The following TMEM52B variants were observed in gnomAD, a reference collection of about 807,000 sequenced individuals.
The protein encoded by TMEM52B is chromosome 12 open reading frame 59.
Under a neutral mutation model 16.1 loss-of-function variants are expected in TMEM52B, and 11 were observed. The ratio of observed to expected loss-of-function variants is 0.68; its 90% CI spans 0.43 to 1.13. TMEM52B has a LOEUF of 1.13. Ranked by LOEUF, TMEM52B falls within the 50% of genes most tolerant of loss-of-function variation. TMEM52B has a pLI of 0.00. For missense variants in TMEM52B, 243 were observed against 230.4 expected (o/e 1.05, Z -0.35); for synonymous variants, 101 against 93.8 (o/e 1.08, Z -0.45).
At chr12:10,186,696 G>C (rs1948884591) in intron 4 of TMEM52B, 107 bp downstream of exon 4, 2 of 1,182,324 alleles carry the variant, frequency 1.7e-6, no homozygotes, top group Non-Finnish European at 2.2e-6. Context: ...AAGATTCCAG[G>C]ACTCACAATA....
chr12:10,182,058 T>C, intron 1 of TMEM52B: 2 of 868,050 alleles, frequency 2.3e-6, no homozygotes, highest in Non-Finnish European at 2.8e-6. Flanking sequence ...AAAAAACTTG[T>C]TAGCAGTCTG....
At chr12:10,181,356 T>A (rs139071147) in intron 1 of TMEM52B, among the ~76,000 whole-genome samples, 3 of 151,540 alleles carry the variant, frequency 2.0e-5, no homozygotes, top group East Asian at 3.9e-4. Context: ...TTTTCCAAGA[T>A]GGAGTCTTGC....
At chr12:10,177,040 A>G (rs986680772), upstream of TMEM52B, among the ~76,000 whole-genome samples, 1 of 152,166 alleles carries the variant, frequency 6.6e-6, no homozygotes, top group Non-Finnish European at 1.5e-5. Flanking sequence ...TATTTTCTCT[A>G]GGAAATAACA....
At chr12:10,183,660 AT>A (rs56737647) in intron 2 of TMEM52B, among the ~76,000 whole-genome samples, 5 of 150,550 alleles carry the variant, frequency 3.3e-5, no homozygotes, top group South Asian at 2.1e-4. Context: ...TACAATCCCT[AT>A]TTTTTTTTCA....
rs1164186228 is a variant in TMEM52B at position 10,190,959 on chromosome 12, G to T, written c.*819G>T. ...CTATAGTGACACACGCTAGTCTCTA[G>T]TGGTGGCCCTCACTGCCACCTAGAG... On this transcript the variant is annotated 3_prime_UTR_variant, in exon 5 of 5. Transcript: ENST00000543484. 2.0e-5 allele frequency: 3 copies of T among 152,206 alleles called. No individual in the cohort carries two copies. Among genetic ancestry groups the T allele is most frequent in the African/African-American group, 7.2e-5 (3 of 41,452 alleles). The allele number at this position is 152,206 out of a possible 1,614,324, so 9.4% of individuals were successfully genotyped here. A position where few individuals can be genotyped will look rare whatever the true frequency, so the allele number is the denominator to read the frequency against.
chr12:10,190,515 A>G lies in TMEM52B; in HGVS notation c.*375A>G. 1 of 233,936 alleles carries G rather than the reference A, an allele frequency of 4.3e-6. No homozygotes were observed. 14.5% of individuals were successfully genotyped at this position (233,936 alleles called of 1,614,324 possible). A position where few individuals can be genotyped will look rare whatever the true frequency, so the allele number is the denominator to read the frequency against. On this transcript the variant is annotated 3_prime_UTR_variant, in exon 5 of 5. Coordinates refer to ENST00000543484, the MANE Select transcript of TMEM52B (RefSeq NM_001384896.1). ...CAGCGAATCCACTGCGGTTAACTGG[A>G]AAAGAAAGACAACAGTGTCAGCACA... is the stretch of plus-strand genomic sequence containing the variant.
chr12:10,183,083 C>G (rs932989666), intron 2 of TMEM52B, among the ~76,000 whole-genome samples: 10 of 152,208 alleles, frequency 6.6e-5, no homozygotes, highest in African/African-American at 2.4e-4. Context: ...ACCTGTCACA[C>G]TTAAGTCTTA....
Position 10,187,692 on chromosome 12 carries a change from A to G in TMEM52B, c.307+1103A>G, listed in dbSNP as rs562312286. On this transcript the variant is annotated intron_variant, in intron 4 of 4. Coordinates refer to ENST00000543484, the MANE Select transcript of TMEM52B (RefSeq NM_001384896.1). ...ATGATTCACCTGCCTCTGTCTCCCAAAATGCTGAGATTACAAGCATAAGCC... is the reference window on the plus strand; with the variant it reads ...ATGATTCACCTGCCTCTGTCTCCCAGAATGCTGAGATTACAAGCATAAGCC... 1.0e-3 allele frequency among the ~76,000 whole-genome samples: 155 copies of G among 152,208 alleles called. 1 individual carries two copies. Among genetic ancestry groups the G allele is most frequent in the East Asian group, 9.7e-4 (5 of 5,158 alleles).
chr12:10,177,498 G>A (rs1455603893), upstream of TMEM52B, among the ~76,000 whole-genome samples: 2 of 152,024 alleles, frequency 1.3e-5, no homozygotes, highest in Non-Finnish European at 2.9e-5. Flanking sequence ...AGCTAGAAAG[G>A]TCCTGAAAGG....
intron 3 of TMEM52B, 30 bp from the exon 4 acceptor site, chr12:10,186,390 A>G (rs1316323495): frequency 1.9e-6 from 3 of 1,564,462 alleles, no homozygotes; most frequent in Non-Finnish European, 2.6e-6. Context: ...CAGATCCCAG[A>G]GCTCCCACTC....
chr12:10,187,123 G>C (rs147876206), intron 4 of TMEM52B, among the ~76,000 whole-genome samples: 1 of 7,920 alleles, frequency 1.3e-4, no homozygotes, highest in Non-Finnish European at 3.3e-4. Flanking sequence ...TTTTTTTTGA[G>C]ATGGAGTCTT....
At chr12:10,187,709 G>C (rs112121369) in intron 4 of TMEM52B, among the ~76,000 whole-genome samples, 1 of 152,034 alleles carries the variant, frequency 6.6e-6, no homozygotes, top group Non-Finnish European at 1.5e-5. Flanking sequence ...GAGATTACAA[G>C]CATAAGCCAC....
chr12:10,179,459 G>C lies in TMEM52B; in HGVS notation c.-116G>C, dbSNP rs550743558. 5 of 1,098,070 alleles carry C rather than the reference G, an allele frequency of 4.6e-6. No individual in the cohort carries two copies. The African/African-American group carries it at 4.6e-5, about 10-fold the overall frequency. The allele number at this position is 1,098,070 out of a possible 1,614,324, so 68.0% of individuals were successfully genotyped here. ...GAGAGAGAAAAGCTGATAAATTCCTGAGAAAAGTTTCTCTTCTTAAGAATT... is the reference window on the plus strand; with the variant it reads ...GAGAGAGAAAAGCTGATAAATTCCTCAGAAAAGTTTCTCTTCTTAAGAATT... On this transcript the variant is annotated 5_prime_UTR_variant, in exon 1 of 5. Transcript: ENST00000543484.
chr12:10,174,839 T>C (rs1487444110), upstream of TMEM52B, among the ~76,000 whole-genome samples: 1 of 152,238 alleles, frequency 6.6e-6, no homozygotes, highest in Admixed American at 6.5e-5. Context: ...ATAATATTTG[T>C]CCTTTTGTAT....
intron 4 of TMEM52B, among the ~76,000 whole-genome samples, chr12:10,188,203 G>A (rs144214059): frequency 0.015 from 2,230 of 152,212 alleles, 56 homozygotes; most frequent in African/African-American, 0.051. Flanking sequence ...GGATAACCAA[G>A]GCTGGGCACG....
At chr12:10,184,917 T>C (rs1311303421) in intron 2 of TMEM52B, among the ~76,000 whole-genome samples, 1 of 152,192 alleles carries the variant, frequency 6.6e-6, no homozygotes, top group East Asian at 1.9e-4. Context: ...TTTCACTATG[T>C]TGGCCAGGCT....
intron 1 of TMEM52B, among the ~76,000 whole-genome samples, chr12:10,179,998 T>C (rs1948804173): frequency 6.6e-6 from 1 of 152,200 alleles, no homozygotes; most frequent in African/African-American, 2.4e-5. Context: ...GAATTTCCCA[T>C]CCAGGAATTT....
rs1020176951 is a variant in TMEM52B at position 10,190,118 on chromosome 12, G to A, written c.530G>A (p.Arg177Gln). The A allele has an allele frequency of 2.6e-5, 42 of 1,614,024 alleles. No homozygotes were observed. Among genetic ancestry groups the A allele is most frequent in the Non-Finnish European group, 3.6e-5 (42 of 1,180,034 alleles). Residue 177 changes from arginine (R) to glutamine (Q), a missense_variant, in exon 5 of 5, where the codon CGA (arginine) becomes CAA (glutamine). Transcript: ENST00000543484. ...CCTCCAACAGAGAAGGAGTCGACTC[G>A]AATAGTTGACTCTTGGAACTGATGA... ...QLPPTEKEST[R>Q]IVDSWN
intron 4 of TMEM52B, among the ~76,000 whole-genome samples, chr12:10,187,864 T>G (rs975200389): frequency 2.0e-5 from 3 of 151,994 alleles, no homozygotes; most frequent in African/African-American, 7.2e-5. Flanking sequence ...TTTGGGAGGC[T>G]GAGGCAGGTG....
Sources: allele counts gnomAD v4.1 joint callset (sites outside exome capture counted in the v4.1 genomes callset), GRCh38; gene constraint gnomAD v4.1.1; transcripts MANE v1.5; gene names NCBI Gene and HGNC (gene_info 2026-07-23, HGNC 2026-07-21).